The following CTNNA3 variants were observed in gnomAD, a reference collection of about 807,000 sequenced individuals.
CTNNA3 encodes the protein catenin alpha-3.
Under a neutral mutation model 95.7 loss-of-function variants are expected in CTNNA3, and 76 were observed. The ratio of observed to expected loss-of-function variants is 0.79; its 90% confidence interval spans 0.66 to 0.96. The LOEUF is 0.96. Ranked by LOEUF, CTNNA3 falls within the 40% of genes least tolerant of loss-of-function variation. The pLI is 0.00. For missense variants in CTNNA3, 1,191 were observed against 1,089.8 expected, an observed-to-expected ratio of 1.09 and a Z score of -1.31; for synonymous variants, 431 against 374.4, an observed-to-expected ratio of 1.15 and a Z score of -1.74.
chr10:66,118,240 TA>T (rs2082421425), intron 13 of CTNNA3: 2 of 152,226 alleles, frequency 1.3e-5, no homozygotes, highest in South Asian at 4.1e-4. Context: ...TGCTTTGTCC[TA>T]TTTTTTTTTA....
At chr10:66,309,750 G>T (rs538491288) in intron 12 of CTNNA3, among the ~76,000 whole-genome samples, 1 of 141,520 alleles carries the variant, frequency 7.1e-6, no homozygotes, top group African/African-American at 2.6e-5. Context: ...GGGAAATAGG[G>T]AAATGAGGGA....
At chr10:67,652,996 A>G (rs764362205) in intron 1 of CTNNA3, among the ~76,000 whole-genome samples, 5 of 152,216 alleles carry the variant, frequency 3.3e-5, no homozygotes, top group Non-Finnish European at 4.4e-5. Context: ...TATTGCTATA[A>G]GAAATACCTG....
At chr10:67,145,147 G>T (rs1860779588) in intron 7 of CTNNA3, among the ~76,000 whole-genome samples, 1 of 151,982 alleles carries the variant, frequency 6.6e-6, no homozygotes, top group African/African-American at 2.4e-5. Context: ...GTCCCCCATG[G>T]GCATGTTCCA....
intron 9 of CTNNA3, among the ~76,000 whole-genome samples, chr10:66,632,611 A>G (rs925394799): frequency 1.3e-4 from 20 of 151,996 alleles, no homozygotes; most frequent in Non-Finnish European, 2.2e-4. Flanking sequence ...AGTAATTAAA[A>G]ACACAAAAAT....
At chr10:66,192,513 T>C (rs576563007) in intron 13 of CTNNA3, among the ~76,000 whole-genome samples, 1 of 152,184 alleles carries the variant, frequency 6.6e-6, no homozygotes, top group Non-Finnish European at 1.5e-5. Context: ...TCAGAAGTTA[T>C]AGAGAATAAG....
At chr10:67,288,276 C>T (rs920186598) in intron 5 of CTNNA3, among the ~76,000 whole-genome samples, 2 of 152,184 alleles carry the variant, frequency 1.3e-5, no homozygotes, top group African/African-American at 2.4e-5. Flanking sequence ...TTCTACTACA[C>T]GTCTTTGAGT....
intron 7 of CTNNA3, among the ~76,000 whole-genome samples, chr10:66,988,262 G>A (rs1443884290): frequency 1.3e-5 from 2 of 152,064 alleles, no homozygotes; most frequent in Admixed American, 6.6e-5. Flanking sequence ...CATTGAGGTA[G>A]GATTATATTC....
At chr10:66,052,109 G>C (rs2079971479) in intron 15 of CTNNA3, among the ~76,000 whole-genome samples, 1 of 152,088 alleles carries the variant, frequency 6.6e-6, no homozygotes, top group Non-Finnish European at 1.5e-5. Context: ...AAAGCACAGA[G>C]TAAGCTCCCA....
chr10:66,299,762 G>A (rs987586946), intron 12 of CTNNA3, among the ~76,000 whole-genome samples: 6 of 151,938 alleles, frequency 3.9e-5, no homozygotes, highest in East Asian at 1.9e-4. Context: ...TAAAGAAGAC[G>A]GAATAAAAAT....
At chr10:66,857,901 G>T (rs1273027296) in intron 7 of CTNNA3, among the ~76,000 whole-genome samples, 13 of 151,918 alleles carry the variant, frequency 8.6e-5, no homozygotes. Context: ...TTAATTTCTT[G>T]CTCTTGCCTG....
At chr10:66,107,334 C>T (rs1393053518) in intron 13 of CTNNA3, among the ~76,000 whole-genome samples, 3 of 152,084 alleles carry the variant, frequency 2.0e-5, no homozygotes, top group Non-Finnish European at 1.5e-5. Context: ...AGTTTCTTCA[C>T]CTGTAAAATA....
chr10:66,432,616 G>T (rs1481143758), intron 11 of CTNNA3, among the ~76,000 whole-genome samples: 1 of 150,614 alleles, frequency 6.6e-6, no homozygotes, highest in Admixed American at 6.6e-5. Context: ...AGCAGAGATT[G>T]CGCCACTGCA....
At chr10:67,349,417 G>A (rs1367369097) in intron 5 of CTNNA3, among the ~76,000 whole-genome samples, 1 of 152,166 alleles carries the variant, frequency 6.6e-6, no homozygotes, top group Non-Finnish European at 1.5e-5. Context: ...AGAGATGACT[G>A]AGGAAATTGT....
intron 9 of CTNNA3, among the ~76,000 whole-genome samples, chr10:66,660,529 G>T (rs1846226687): frequency 6.6e-6 from 1 of 152,124 alleles, no homozygotes; most frequent in Non-Finnish European, 1.5e-5. Context: ...TGACCAACTT[G>T]TCATCTCATA....
chr10:67,668,331 T>G (rs1353700197), intron 1 of CTNNA3, among the ~76,000 whole-genome samples: 1 of 152,168 alleles, frequency 6.6e-6, no homozygotes, highest in African/African-American at 2.4e-5. Context: ...ATATATTTTA[T>G]ATAGGCAATA....
intron 11 of CTNNA3, among the ~76,000 whole-genome samples, chr10:66,440,296 C>A (rs1423994229): frequency 6.6e-6 from 1 of 152,018 alleles, no homozygotes; most frequent in African/African-American, 2.4e-5. Context: ...TTATATAAAT[C>A]AGGGCATTTC....
At chr10:66,522,607 C>T (rs778633738) in intron 10 of CTNNA3, among the ~76,000 whole-genome samples, 19 of 151,970 alleles carry the variant, frequency 1.3e-4, no homozygotes, top group Non-Finnish European at 2.4e-4. Context: ...TTTTCTGAGG[C>T]ATCCCCAGCC....
intron 13 of CTNNA3, among the ~76,000 whole-genome samples, chr10:66,178,453 A>G (rs1355768600): frequency 1.9e-5 from 2 of 107,006 alleles, no homozygotes; most frequent in African/African-American, 3.4e-5. Context: ...ACACACACAG[A>G]TATAGAAAGA....
intron 7 of CTNNA3, among the ~76,000 whole-genome samples, chr10:67,040,019 C>T (rs1397135398): frequency 6.6e-6 from 1 of 152,100 alleles, no homozygotes; most frequent in African/African-American, 2.4e-5. Context: ...ATGTGCTGAT[C>T]ATGAGGAGGG....
Sources: allele counts gnomAD v4.1 joint callset (sites outside exome capture counted in the v4.1 genomes callset), GRCh38; gene constraint gnomAD v4.1.1; transcripts MANE v1.5; gene names NCBI Gene and HGNC (gene_info 2026-07-23, HGNC 2026-07-21).